CTBP2: variants seen among roughly 807,000 people sequenced by gnomAD.
CTBP2 encodes the protein C-terminal binding protein 2.
A neutral mutation model predicts 80.3 loss-of-function variants in CTBP2; 30 were observed. That is an observed-to-expected ratio of 0.37 (90% confidence interval 0.28 to 0.51). The LOEUF (loss-of-function observed/expected upper bound fraction) is 0.51. Among genes scored for constraint, CTBP2 ranks in the 20% least tolerant of loss-of-function variants. CTBP2 has a pLI of 0.93. For synonymous variants in CTBP2, 594 were observed against 587.4 expected, an observed-to-expected ratio of 1.01 and a Z score of -0.16; for missense variants, 1,212 against 1,375.3, an observed-to-expected ratio of 0.88 and a Z score of 1.88.
At chr10:125,054,355 T>C (rs964368727) in intron 2 of CTBP2, among the ~76,000 whole-genome samples, 6 of 151,796 alleles carry the variant, frequency 4.0e-5, no homozygotes, top group Admixed American at 2.6e-4. Context: ...CCTGCCAACT[T>C]CCCTCCCTCC....
chr10:125,060,971 C>A (rs927458093), intron 2 of CTBP2, among the ~76,000 whole-genome samples: 1 of 152,214 alleles, frequency 6.6e-6, no homozygotes, highest in African/African-American at 2.4e-5. Context: ...CCGGTCGGCC[C>A]CAGGGGTGCA....
At chr10:125,009,119 T>C (rs914760925) in intron 1 of CTBP2, among the ~76,000 whole-genome samples, 2 of 152,216 alleles carry the variant, frequency 1.3e-5, no homozygotes, top group Admixed American at 6.5e-5. Flanking sequence ...CCCTGTGTCC[T>C]TTGTTGGGTG....
intron 2 of CTBP2, among the ~76,000 whole-genome samples, chr10:125,093,253 G>C (rs1002454442): frequency 6.6e-6 from 1 of 152,234 alleles, no homozygotes; most frequent in African/African-American, 2.4e-5. Flanking sequence ...CAATCTGAGG[G>C]TGGGGACATC....
chr10:125,021,885 C>T (rs146991261), intron 1 of CTBP2, among the ~76,000 whole-genome samples: 1 of 152,220 alleles, frequency 6.6e-6, no homozygotes, highest in African/African-American at 2.4e-5. Flanking sequence ...ACCTGGGAAC[C>T]GTTCAGCTGC....
intron 3 of CTBP2, among the ~76,000 whole-genome samples, chr10:125,036,668 G>GGGTGTGT (rs1258371613): frequency 8.4e-6 from 1 of 119,284 alleles, no homozygotes; most frequent in Admixed American, 8.1e-5. Context: ...AGCTAGAGGG[G>GGGTGTGT]GTGTGTGTGT....
intron 1 of CTBP2, chr10:125,006,083 C>T (rs895243295): frequency 1.1e-5 from 13 of 1,160,346 alleles, no homozygotes; most frequent in East Asian, 3.7e-5. Context: ...GGTTGCCTAG[C>T]GATCGGCTCC....
At chr10:125,002,880 A>G in intron 3 of CTBP2, 80 bp downstream of exon 5, 1 of 1,553,580 alleles carries the variant, frequency 6.4e-7, no homozygotes, top group Non-Finnish European at 8.7e-7. Flanking sequence ...TCCCAGTTCC[A>G]GCTGCTTCTC....
At chr10:125,122,247 A>G (rs1389898486) in intron 1 of CTBP2, among the ~76,000 whole-genome samples, 1 of 152,220 alleles carries the variant, frequency 6.6e-6, no homozygotes, top group Non-Finnish European at 1.5e-5. Context: ...AGAATGGACA[A>G]CCTTTCAGCA....
intron 1 of CTBP2, among the ~76,000 whole-genome samples, chr10:125,137,683 C>G (rs975534055): frequency 6.6e-6 from 1 of 152,022 alleles, no homozygotes; most frequent in Non-Finnish European, 1.5e-5. Flanking sequence ...ATTGGAAAGG[C>G]TTCATAAATC....
intron 4 of CTBP2, among the ~76,000 whole-genome samples, chr10:124,995,181 C>T (rs1953304200): frequency 1.3e-5 from 2 of 152,212 alleles, no homozygotes; most frequent in South Asian, 2.1e-4. Flanking sequence ...CACAATGGCT[C>T]CCTGCAGGCT....
chr10:125,073,156 A>G (rs1845768829), intron 2 of CTBP2, among the ~76,000 whole-genome samples: 1 of 152,234 alleles, frequency 6.6e-6, no homozygotes, highest in Admixed American at 6.5e-5. Flanking sequence ...TACATTTTAC[A>G]TCATCTTTCT....
intron 1 of CTBP2, chr10:125,005,600 C>T: frequency 6.2e-7 from 1 of 1,612,750 alleles, no homozygotes; most frequent in Non-Finnish European, 8.5e-7. Context: ...AGCTGGATAC[C>T]CCCTCAGCTC....
intron 1 of CTBP2, among the ~76,000 whole-genome samples, chr10:125,133,280 T>C (rs772139888): frequency 6.6e-6 from 1 of 152,156 alleles, no homozygotes; most frequent in Non-Finnish European, 1.5e-5. Context: ...CAAGCACTGA[T>C]TACTGGTAAG....
Position 124,998,162 on chromosome 10 carries a change from C to A in CTBP2, c.1987G>T (p.Val663Leu), listed in dbSNP as rs1339415336. 1 of 1,605,484 alleles carries A rather than the reference C, an allele frequency of 6.2e-7. No individual in the cohort carries two copies. Among genetic ancestry groups the A allele is most frequent in the East Asian group, 2.2e-5 (1 of 44,644 alleles). The stretch of plus-strand genomic sequence containing the variant: ...ACGGCTGCAGACGGGATGTTGCACA[C>A]GGCAATTCCTGAAAGGGATGAGGCC... The change falls in exon 4 of 9, where the codon GTG (valine) becomes TTG (leucine). Residue 663 changes from valine to leucine, a missense_variant. By Grantham distance (32) the Val-to-Leu change is conservative. Transcript: ENST00000309035.
intron 1 of CTBP2, among the ~76,000 whole-genome samples, chr10:125,154,510 T>C (rs1220055084): frequency 7.2e-5 from 11 of 152,262 alleles, no homozygotes; most frequent in Non-Finnish European, 1.5e-5. Context: ...TTTTTGTGAA[T>C]ATTAAGCCAA....
At position 124,997,983 on chromosome 10, in the gene CTBP2, C is replaced by T. The variant is rs1009004044; in HGVS notation, c.2166G>A (p.Thr722=). The T allele has an allele frequency of 9.9e-6, 16 of 1,612,280 alleles. No homozygotes were observed. The highest frequency in any genetic ancestry group is 4.5e-5 in the East Asian group (2 of 44,882). The change falls in exon 4 of 9, where the codon ACG becomes ACA. Residue 722 remains threonine (T), a synonymous_variant. Transcript: ENST00000309035. ...ACGTACCAAAGCCAATGAGGCCCAG[C>T]GTCTCCCCACGGATGCGGGCCGCTC...
chr10:125,018,470 A>T (rs1956713760), intron 1 of CTBP2, among the ~76,000 whole-genome samples: 1 of 152,084 alleles, frequency 6.6e-6, no homozygotes, highest in Non-Finnish European at 1.5e-5. Flanking sequence ...AGCCTGGGTG[A>T]CAGAGCAAGA....
rs74349851 is a variant in CTBP2 at position 124,988,520 on chromosome 10, C to A, written c.*998G>T. ...AAACAGGAATGTACCTATACAAAGG[C>A]TCAAAATAGGCCATCTTTTTAAACA... On this transcript the variant is annotated 3_prime_UTR_variant, in exon 9 of 9. Transcript: ENST00000309035. 6.6e-6 allele frequency: 1 copy of A among 152,544 alleles called. No individual in the cohort carries two copies. The highest frequency in any genetic ancestry group is 1.5e-5 in the Non-Finnish European group (1 of 68,040). 9.4% of individuals were successfully genotyped at this position (152,544 alleles called of 1,614,324 possible).
intron 2 of CTBP2, among the ~76,000 whole-genome samples, chr10:125,084,618 A>C (rs536641358): frequency 6.6e-6 from 1 of 152,284 alleles, no homozygotes; most frequent in African/African-American, 2.4e-5. Context: ...GGGTGGCCCC[A>C]GTTAAAACAT....
Sources: gnomAD v4.1 joint callset for allele counts (sites outside exome capture counted in the v4.1 genomes callset) on GRCh38, gnomAD v4.1.1 for gene constraint, MANE v1.5 for transcripts, NCBI Gene and HGNC (gene_info 2026-07-23, HGNC 2026-07-21) for gene names.